PHACTR1: variants seen among roughly 807,000 people sequenced by gnomAD.
The protein encoded by PHACTR1 is RPEL repeat containing 1.
In PHACTR1, 16 loss-of-function variants were observed where a neutral mutation model predicts 69.2. That is an observed-to-expected ratio of 0.23 (90% CI 0.16 to 0.35). The LOEUF (loss-of-function observed/expected upper bound fraction) is 0.35. Ranked by LOEUF, PHACTR1 falls within the 10% of genes least tolerant of loss-of-function variation. The pLI is 1.00. For synonymous variants in PHACTR1, 312 were observed against 284.5 expected, an observed-to-expected ratio of 1.10 and a Z score of -0.97; for missense variants, 510 against 734.7, an observed-to-expected ratio of 0.69 and a Z score of 3.54.
At chr6:13,134,459 C>T (rs1821198647) in intron 5 of PHACTR1, among the ~76,000 whole-genome samples, 1 of 152,178 alleles carries the variant, frequency 6.6e-6, no homozygotes, top group African/African-American at 2.4e-5. Context: ...AAAAATTCTT[C>T]TGCCTTGGGA....
At chr6:13,145,887 A>G (rs1295090146) in intron 5 of PHACTR1, among the ~76,000 whole-genome samples, 5 of 152,214 alleles carry the variant, frequency 3.3e-5, no homozygotes, top group African/African-American at 7.2e-5. Context: ...GCAGACTAAT[A>G]TATCAAGCCA....
intron 10 of PHACTR1, among the ~76,000 whole-genome samples, chr6:13,256,923 T>A (rs930039774): frequency 2.0e-5 from 3 of 152,220 alleles, no homozygotes; most frequent in Non-Finnish European, 4.4e-5. Context: ...AGTTCCAAAG[T>A]CACTTCCACA....
At chr6:13,001,991 C>T (rs1386498931) in intron 4 of PHACTR1, among the ~76,000 whole-genome samples, 1 of 152,134 alleles carries the variant, frequency 6.6e-6, no homozygotes, top group Non-Finnish European at 1.5e-5. Flanking sequence ...CATTCCTCCC[C>T]GCAATACTTG....
intron 4 of PHACTR1, among the ~76,000 whole-genome samples, chr6:12,985,601 C>T (rs752548451): frequency 3.4e-4 from 50 of 146,530 alleles, no homozygotes; most frequent in African/African-American, 1.1e-3. Flanking sequence ...TACACAAACA[C>T]GAATATGAAA....
At chr6:13,001,447 G>A (rs1036822563) in intron 4 of PHACTR1, among the ~76,000 whole-genome samples, 2 of 152,126 alleles carry the variant, frequency 1.3e-5, no homozygotes, top group African/African-American at 2.4e-5. Flanking sequence ...GTTTTCACAC[G>A]AGGACAGTGC....
At chr6:13,218,853 AAAGAGAAGAGAAGAGAAGAG>A (rs536881718) in intron 8 of PHACTR1, among the ~76,000 whole-genome samples, 5,023 of 142,466 alleles carry the variant, frequency 0.035, 162 homozygotes, top group African/African-American at 0.073. Context: ...GAGGAGGAGG[AAAGAGAAGAGAAGAGAAGAG>A]AAGAGAAGAG....
At chr6:13,105,690 T>TA (rs1816013243) in intron 5 of PHACTR1, among the ~76,000 whole-genome samples, 1 of 152,180 alleles carries the variant, frequency 6.6e-6, no homozygotes, top group Non-Finnish European at 1.5e-5. Context: ...TTTGGCTTAG[T>TA]AATTCTCCAG....
At chr6:13,204,544 G>T (rs17602291) in intron 7 of PHACTR1, among the ~76,000 whole-genome samples, 1 of 152,162 alleles carries the variant, frequency 6.6e-6, no homozygotes, top group Non-Finnish European at 1.5e-5. Context: ...ATGCCCTGGG[G>T]TCTAGTCTGA....
At chr6:13,263,593 C>T (rs1464825285) in intron 10 of PHACTR1, among the ~76,000 whole-genome samples, 2 of 152,180 alleles carry the variant, frequency 1.3e-5, no homozygotes, top group African/African-American at 2.4e-5. Flanking sequence ...CTTGAAAGTA[C>T]ATTAAACATT....
chr6:12,983,936 C>T (rs752351903), intron 4 of PHACTR1, among the ~76,000 whole-genome samples: 13 of 152,306 alleles, frequency 8.5e-5, no homozygotes, highest in South Asian at 2.1e-4. Context: ...TTTCTTAATC[C>T]AGTCTATCAT....
chr6:13,213,125 T>C (rs1193035216), intron 8 of PHACTR1, among the ~76,000 whole-genome samples: 8 of 152,150 alleles, frequency 5.3e-5, no homozygotes. Context: ...AGTGAAAGAA[T>C]AACTGAATGA....
intron 4 of PHACTR1, among the ~76,000 whole-genome samples, chr6:12,955,329 G>A (rs1196604967): frequency 1.3e-5 from 2 of 150,954 alleles, no homozygotes; most frequent in Non-Finnish European, 2.9e-5. Context: ...CTCCCCAGTA[G>A]CTGGAATTAC....
chr6:12,798,447 C>CA (rs1027379408), intron 4 of PHACTR1, among the ~76,000 whole-genome samples: 24 of 152,040 alleles, frequency 1.6e-4, no homozygotes, highest in African/African-American at 5.1e-4. Flanking sequence ...ATTAATGACT[C>CA]AAAAAGGTAG....
In PHACTR1 at chr6:12,905,535, C is replaced by T. The variant is rs971242504; in HGVS notation, c.251-147830C>T. Among the ~76,000 whole-genome samples the T allele has an allele frequency of 5.9e-5, 9 of 152,054 alleles. No homozygotes were observed. In the South Asian group the frequency reaches 8.3e-4, roughly 14 times the overall value. On this transcript the variant is annotated intron_variant, in intron 4 of 14. Transcript: ENST00000332995. ...GTGACACGGTCTTTGCTGTCATTTC[C>T]GGTCTAGTGAAGGAGATAGAGGAGA...
intron 4 of PHACTR1, among the ~76,000 whole-genome samples, chr6:12,849,962 A>G (rs1779666890): frequency 6.6e-6 from 1 of 152,178 alleles, no homozygotes; most frequent in Admixed American, 6.5e-5. Flanking sequence ...TTTGTCACTG[A>G]GATTTCCTGG....
At chr6:13,219,651 C>G (rs1175794223) in intron 8 of PHACTR1, among the ~76,000 whole-genome samples, 1 of 152,136 alleles carries the variant, frequency 6.6e-6, no homozygotes, top group Non-Finnish European at 1.5e-5. Flanking sequence ...AAACTTGTAT[C>G]CCCAAGTCTA....
chr6:12,902,376 G>A (rs960286911), intron 4 of PHACTR1, among the ~76,000 whole-genome samples: 2 of 152,292 alleles, frequency 1.3e-5, no homozygotes, highest in African/African-American at 4.8e-5. Flanking sequence ...TGACCAGAGA[G>A]CACACAACTG....
intron 5 of PHACTR1, among the ~76,000 whole-genome samples, chr6:13,077,214 A>C (rs1810649928): frequency 6.6e-6 from 1 of 150,970 alleles, no homozygotes. Context: ...TATGTGTCTA[A>C]GTGTGGTTTA....
At chr6:13,090,911 C>A (rs141340952) in intron 5 of PHACTR1, among the ~76,000 whole-genome samples, 3,834 of 151,642 alleles carry the variant, frequency 0.025, 69 homozygotes, top group Non-Finnish European at 0.037. Context: ...CACTTTATTT[C>A]TATTATTATT....
Sources: gnomAD v4.1 joint callset for allele counts (sites outside exome capture counted in the v4.1 genomes callset) on GRCh38, gnomAD v4.1.1 for gene constraint, MANE v1.5 for transcripts, NCBI Gene and HGNC (gene_info 2026-07-23, HGNC 2026-07-21) for gene names.